CCDC141: variants seen among roughly 807,000 people sequenced by gnomAD.
The protein encoded by CCDC141 is coiled-coil domain containing 141, also known as coiled-coil domain-containing protein 141.
Under a neutral mutation model 181.0 loss-of-function variants are expected in CCDC141, and 168 were observed. The observed-to-expected ratio is 0.93, with a 90% CI of 0.82 to 1.05. The LOEUF (loss-of-function observed/expected upper bound fraction) is 1.05. Among genes scored for constraint, CCDC141 ranks in the 50% least tolerant of loss-of-function variants. The pLI, the probability that CCDC141 is intolerant of heterozygous loss-of-function variation, is 0.00. For missense variants in CCDC141, 1,902 were observed against 1,788.5 expected (o/e 1.06, Z -1.14); for synonymous variants, 666 against 642.3 (o/e 1.04, Z -0.56).
At chr2:178,828,786 G>T (rs1223536647), downstream of CCDC141, among the ~76,000 whole-genome samples, 1 of 152,148 alleles carries the variant, frequency 6.6e-6, no homozygotes, top group Non-Finnish European at 1.5e-5. Flanking sequence ...ATATGCGTTG[G>T]AGACAATTTG....
the CCDC141 span, among the ~76,000 whole-genome samples, chr2:178,824,617 CAAAAAAAAAAA>C: frequency 9.6e-5 from 5 of 52,292 alleles, no homozygotes; most frequent in Admixed American, 5.5e-4. Flanking sequence ...GAGACTTCGT[CAAAAAAAAAAA>C]AAAAAAAAAA....
chr2:178,982,288 A>T (rs984257504), intron 2 of CCDC141, among the ~76,000 whole-genome samples: 6 of 152,230 alleles, frequency 3.9e-5, no homozygotes, highest in Admixed American at 2.0e-4. Flanking sequence ...TAACAAAAAA[A>T]TTGGTTGTGT....
At chr2:178,882,960 G>T (rs1479873556) in intron 11 of CCDC141, among the ~76,000 whole-genome samples, 1 of 152,088 alleles carries the variant, frequency 6.6e-6, no homozygotes, top group Non-Finnish European at 1.5e-5. Context: ...TGTACGGGGA[G>T]CATTGCCAGG....
At chr2:178,837,846 T>C in intron 22 of CCDC141, 102 bp from the exon 23 acceptor site, 4 of 1,247,326 alleles carry the variant, frequency 3.2e-6, no homozygotes, top group Non-Finnish European at 4.2e-6. Flanking sequence ...CGAGACAACC[T>C]ACAAGGTTAA....
At chr2:178,880,730 T>A (rs879913230) in intron 11 of CCDC141, among the ~76,000 whole-genome samples, 2 of 152,108 alleles carry the variant, frequency 1.3e-5, no homozygotes, top group Non-Finnish European at 2.9e-5. Context: ...CATAGGGTGT[T>A]ATAAGAATTA....
intron 5 of CCDC141, among the ~76,000 whole-genome samples, chr2:178,953,174 C>T (rs557346445): frequency 1.3e-5 from 2 of 152,102 alleles, no homozygotes; most frequent in Non-Finnish European, 2.9e-5. Flanking sequence ...TGGTGGCTCA[C>T]GCCTATAATC....
intron 22 of CCDC141, among the ~76,000 whole-genome samples, chr2:178,839,463 C>A (rs1684627474): frequency 1.3e-5 from 2 of 149,966 alleles, no homozygotes; most frequent in Admixed American, 1.3e-4. Context: ...GTAATCCCAG[C>A]TACTTTGGGA....
chr2:178,878,074 C>T lies in CCDC141; in HGVS notation c.1789G>A (p.Ala597Thr). ...TEIPQKEQDDAKAKHCSDSAE... is the reference protein window; with the variant it reads ...TEIPQKEQDDTKAKHCSDSAE... ...GAGTCAGAACAATGCTTGGCTTTAG[C>T]ATCATCCTGCTCCTTCTGAGGGATT... Residue 597 changes from alanine to threonine, a missense_variant, in exon 12 of 24, where the codon GCT becomes ACT. Transcript: ENST00000443758. 1.2e-6 allele frequency: 2 copies of T among 1,613,698 alleles called. No individual in the cohort carries two copies. Among genetic ancestry groups the T allele is most frequent in the Non-Finnish European group, 1.7e-6 (2 of 1,179,836 alleles).
In CCDC141 at chr2:178,872,113, C is replaced by T; in HGVS notation, c.2079+20G>A. On this transcript the variant is annotated intron_variant, in intron 13 of 23. Coordinates refer to ENST00000443758, the MANE Select transcript of CCDC141 (RefSeq NM_173648.4). ...GTCGGAATTTCATTCCTTTTCACATCCCATTGTTCCTTGCCTCACCTTTTT... is the reference window on the plus strand; with the variant it reads ...GTCGGAATTTCATTCCTTTTCACATTCCATTGTTCCTTGCCTCACCTTTTT... 6.2e-7 allele frequency: 1 copy of T among 1,603,228 alleles called. No individual in the cohort carries two copies. The highest frequency in any genetic ancestry group is 8.5e-7 in the Non-Finnish European group (1 of 1,174,904).
chr2:178,866,002 TA>T, intron 16 of CCDC141, 86 bp from the exon 17 acceptor site: 4 of 1,058,580 alleles, frequency 3.8e-6, no homozygotes, highest in Non-Finnish European at 5.0e-6. Context: ...ATGAAACTCA[TA>T]AATGACACTT....
intron 2 of CCDC141, among the ~76,000 whole-genome samples, chr2:178,999,963 A>G (rs2041913941): frequency 6.6e-6 from 1 of 152,084 alleles, no homozygotes; most frequent in Non-Finnish European, 1.5e-5. Context: ...TTATAAAAGT[A>G]ATGTAAGTTC....
At chr2:178,944,139 C>G (rs552307274) in intron 6 of CCDC141, among the ~76,000 whole-genome samples, 81 of 152,280 alleles carry the variant, frequency 5.3e-4, no homozygotes, top group African/African-American at 1.9e-3. Flanking sequence ...CTGCCACTGA[C>G]AAGATATATT....
chr2:178,942,640 C>G (rs187066042), intron 6 of CCDC141, among the ~76,000 whole-genome samples: 55 of 152,068 alleles, frequency 3.6e-4, no homozygotes, highest in African/African-American at 1.3e-3. Context: ...AAGAGTGAAC[C>G]CTAATATAAG....
Position 178,869,141 on chromosome 2 carries a change from G to T in CCDC141, c.2370C>A (p.Val790=), listed in dbSNP as rs896067886. 2 of 1,602,924 alleles carry T rather than the reference G, an allele frequency of 1.2e-6. No individual in the cohort carries two copies. The highest frequency in any genetic ancestry group is 1.7e-6 in the Non-Finnish European group (2 of 1,176,226). ...QDYEDILYKV[V]QFHQVKEELG... The stretch of plus-strand genomic sequence containing the variant: ...CCTCTTCCTTGACTTGATGGAACTG[G>T]ACCACCTTGTACAGGATATCCTCGT... The change falls in exon 15 of 24, where the codon GTC becomes GTA. Residue 790 remains valine (V), a synonymous_variant. Transcript: ENST00000443758.
chr2:178,913,095 G>C (rs959773838), intron 7 of CCDC141, among the ~76,000 whole-genome samples: 8 of 152,192 alleles, frequency 5.3e-5, no homozygotes, highest in African/African-American at 1.9e-4. Context: ...CTGGAAAGCA[G>C]GGATTATATC....
At chr2:178,990,345 A>C (rs1691989788) in intron 2 of CCDC141, among the ~76,000 whole-genome samples, 1 of 152,038 alleles carries the variant, frequency 6.6e-6, no homozygotes, top group African/African-American at 2.4e-5. Context: ...ATATATCCAC[A>C]GGAATTAAAG....
chr2:178,974,440 C>T (rs1277321467), intron 4 of CCDC141, among the ~76,000 whole-genome samples: 1 of 152,208 alleles, frequency 6.6e-6, no homozygotes, highest in Non-Finnish European at 1.5e-5. Flanking sequence ...CGTTTCCCTA[C>T]TCCACTCCTG....
At chr2:178,935,251 T>A (rs1398549798) in intron 6 of CCDC141, among the ~76,000 whole-genome samples, 1 of 152,154 alleles carries the variant, frequency 6.6e-6, no homozygotes, top group African/African-American at 2.4e-5. Flanking sequence ...AATAGTTATC[T>A]TTTCTGCTCC....
At chr2:178,836,829 C>T (rs1684493552) in intron 23 of CCDC141, 65 bp downstream of exon 23, 11 of 1,538,170 alleles carry the variant, frequency 7.2e-6, no homozygotes, top group Non-Finnish European at 9.6e-6. Context: ...TTAGTGCTCA[C>T]AGAATGATTT....
Sources: gnomAD v4.1 joint callset for allele counts (sites outside exome capture counted in the v4.1 genomes callset) on GRCh38, gnomAD v4.1.1 for gene constraint, MANE v1.5 for transcripts, NCBI Gene and HGNC (gene_info 2026-07-23, HGNC 2026-07-21) for gene names.